The following MCF2L variants were observed in gnomAD, a reference collection of about 807,000 sequenced individuals.
MCF2L encodes the protein guanine nucleotide exchange factor DBS.
A neutral mutation model predicts 153.4 loss-of-function variants in MCF2L; 97 were observed. The observed-to-expected ratio is 0.63, with a 90% CI of 0.54 to 0.75. The LOEUF is 0.75. Ranked by LOEUF, MCF2L falls within the 30% of genes least tolerant of loss-of-function variation. The pLI is 0.00. For synonymous variants in MCF2L, 659 were observed against 632.2 expected (o/e 1.04, Z -0.64); for missense variants, 1,347 against 1,495.2 (o/e 0.90, Z 1.64).
rs11841838 is a variant in MCF2L, at chr13:113,094,238, G to T, written c.2954-276G>T. On this transcript the variant is annotated intron_variant, in intron 26 of 29. Coordinates refer to ENST00000535094, the MANE Select transcript of MCF2L (RefSeq NM_001112732.3). ...GAGGGGCACTGCCCTGCCTGACAAGGGCGTGGCTTCCCAGGGCCTGGGGAT... is the reference window on the plus strand; with the variant it reads ...GAGGGGCACTGCCCTGCCTGACAAGTGCGTGGCTTCCCAGGGCCTGGGGAT... 6 of 241,522 alleles carry T rather than the reference G, an allele frequency of 2.5e-5. No homozygotes were observed. In the East Asian group the frequency reaches 5.4e-4, roughly 22 times the overall value. 15.0% of individuals were successfully genotyped at this position (241,522 alleles called of 1,614,324 possible). A position where few individuals can be genotyped will look rare whatever the true frequency, so the allele number is the denominator to read the frequency against.
chr13:112,972,762 G>T (rs1374344256), intron 1 of MCF2L, among the ~76,000 whole-genome samples: 4 of 996 alleles, frequency 4.0e-3, no homozygotes, highest in Admixed American at 0.013. Flanking sequence ...GATGGATGGA[G>T]GGAGGGAGGG....
At chr13:113,050,316 G>A (rs915245189) in intron 4 of MCF2L, among the ~76,000 whole-genome samples, 14 of 151,892 alleles carry the variant, frequency 9.2e-5, no homozygotes, top group African/African-American at 3.4e-4. Flanking sequence ...GTGAGTGTGT[G>A]TGTGCGTGTT....
rs776029015 is a variant in MCF2L, at chr13:113,014,846, G to A, written c.163G>A (p.Gly55Ser). Reference protein sequence around the residue: ...QLKKRFAYLSGGRGQDGSPVI... With the variant: ...QLKKRFAYLSSGRGQDGSPVI... Reference sequence around the variant, plus strand: ...AAAGAAGCGCTTTGCTTACCTGTCCGGTGAGTTCCAGAAGCTGGGATGGGG... The same window carrying A: ...AAAGAAGCGCTTTGCTTACCTGTCCAGTGAGTTCCAGAAGCTGGGATGGGG... The change falls in exon 2 of 30, where the codon GGT (glycine) becomes AGT (serine). Residue 55 changes from glycine (G) to serine (S), a missense_variant and splice_region_variant. Around this residue, in one of 3 missense-constraint regions of MCF2L, gnomAD observed 820 missense variants for 921.2 expected, o/e 0.89. Transcript: ENST00000535094. 13 of 1,613,780 alleles carry A rather than the reference G, an allele frequency of 8.1e-6. No homozygotes were observed. The highest frequency in any genetic ancestry group is 4.0e-5 in the African/African-American group (3 of 74,950).
chr13:113,011,941 T>TGGTGGACACTGTGATGCGGAC (rs2084157340), intron 1 of MCF2L, among the ~76,000 whole-genome samples: 1 of 89,820 alleles, frequency 1.1e-5, no homozygotes, highest in African/African-American at 4.0e-5. Flanking sequence ...GCGGTGTGGA[T>TGGTGGACACTGTGATGCGGAC]GGTGGACAGG....
At chr13:113,051,049 G>C (rs906165985) in intron 4 of MCF2L, among the ~76,000 whole-genome samples, 1 of 152,110 alleles carries the variant, frequency 6.6e-6, no homozygotes, top group African/African-American at 2.4e-5. Context: ...AGCTCTTCCC[G>C]GTGTGGCTGA....
At chr13:112,947,612 C>T (rs1594369171) in intron 2 of MCF2L, among the ~76,000 whole-genome samples, 1 of 152,222 alleles carries the variant, frequency 6.6e-6, no homozygotes, top group Non-Finnish European at 1.5e-5. Context: ...AACATTAAAT[C>T]TTAAGGCTGC....
intron 2 of MCF2L, among the ~76,000 whole-genome samples, chr13:112,926,102 G>A (rs1428166294): frequency 6.6e-6 from 1 of 152,242 alleles, no homozygotes; most frequent in Non-Finnish European, 1.5e-5. Flanking sequence ...ACAGAACATG[G>A]TCCGTATCCA....
intron 4 of MCF2L, among the ~76,000 whole-genome samples, chr13:113,052,994 C>T (rs1372119064): frequency 6.6e-6 from 1 of 152,130 alleles, no homozygotes; most frequent in Non-Finnish European, 1.5e-5. Flanking sequence ...CACACACAAA[C>T]ACACACATAT....
At chr13:112,952,382 T>C (rs2081704076) in intron 2 of MCF2L, among the ~76,000 whole-genome samples, 1 of 152,176 alleles carries the variant, frequency 6.6e-6, no homozygotes, top group Admixed American at 6.5e-5. Flanking sequence ...CAGGTTTGTT[T>C]TCTGGGGATC....
At position 113,078,382 on chromosome 13, in the gene MCF2L, G is replaced by C. The variant is rs1436926149; in HGVS notation, c.1680G>C (p.Glu560Asp). 3.7e-6 allele frequency: 6 copies of C among 1,613,314 alleles called. No homozygotes were observed. The highest frequency in any genetic ancestry group is 1.3e-5 in the African/African-American group (1 of 74,952). Reference protein sequence around the residue: ...CPSPGIRRGSENSSSEGGALR... With the variant: ...CPSPGIRRGSDNSSSEGGALR... ...CAACAGGCATTCGGCGAGGCTCTGA[G>C]AACTCCAGCTCCGAGGGCGGTGCGC... The change falls in exon 14 of 30, where the codon GAG (glutamate) becomes GAC (aspartate). Residue 560 changes from glutamate (E) to aspartate (D), a missense_variant. Physicochemically the swap from Glu to Asp is conservative, Grantham distance 45 (BLOSUM62 2). This residue lies in a region of MCF2L where 820 missense variants were observed against 921.2 expected (regional missense o/e 0.89). Coordinates refer to ENST00000535094, the MANE Select transcript of MCF2L (RefSeq NM_001112732.3).
At chr13:112,961,835 C>T (rs943200234) in intron 2 of MCF2L, among the ~76,000 whole-genome samples, 12 of 152,182 alleles carry the variant, frequency 7.9e-5, no homozygotes, top group Admixed American at 3.9e-4. Flanking sequence ...TGCTGGGGTA[C>T]GGAATCAGAG....
intron 3 of MCF2L, among the ~76,000 whole-genome samples, chr13:113,032,894 G>A (rs2085814570): frequency 6.6e-6 from 1 of 152,228 alleles, no homozygotes; most frequent in African/African-American, 2.4e-5. Context: ...AGGCTTCCTG[G>A]CCCCTGTGAT....
rs116007654 is a variant in MCF2L, at chr13:113,067,067, C to G, written c.881+897C>G. 6.1e-3 allele frequency among the ~76,000 whole-genome samples: 927 copies of G among 152,378 alleles called. 14 individuals carry two copies. The highest frequency in any genetic ancestry group is 0.021 in the African/African-American group (873 of 41,598). On this transcript the variant is annotated intron_variant, in intron 8 of 29. Coordinates refer to ENST00000535094, the MANE Select transcript of MCF2L (RefSeq NM_001112732.3). ...GCAGCACAGCCCATGAGGGTGGGCC[C>G]TGCCCTGGCCTGTGTCAGGCACCTT...
chr13:112,933,572 AT>A (rs2081485170), intron 2 of MCF2L, among the ~76,000 whole-genome samples: 1 of 152,142 alleles, frequency 6.6e-6, no homozygotes, highest in Non-Finnish European at 1.5e-5. Context: ...TGGGTCTGGG[AT>A]TTCGGTATTT....
chr13:112,987,810 T>A (rs2082710441), intron 1 of MCF2L, among the ~76,000 whole-genome samples: 1 of 152,214 alleles, frequency 6.6e-6, no homozygotes, highest in South Asian at 2.1e-4. Flanking sequence ...ATGAGCACCA[T>A]CGCTGTGGGC....
chr13:113,057,494 G>A (rs1434867165), intron 4 of MCF2L, among the ~76,000 whole-genome samples: 1 of 124,800 alleles, frequency 8.0e-6, no homozygotes, highest in Non-Finnish European at 1.8e-5. Context: ...GTGCTGAGTG[G>A]GCGCTGAGTG....
intron 2 of MCF2L, among the ~76,000 whole-genome samples, chr13:112,923,258 T>C (rs1237047934): frequency 4.6e-5 from 1 of 21,780 alleles, no homozygotes; most frequent in East Asian, 9.3e-4. Context: ...TGTTTGCTTC[T>C]TTTTTTTTTT....
chr13:112,902,118 T>C, intron 1 of MCF2L: 1 of 1,108,024 alleles, frequency 9.0e-7, no homozygotes, highest in South Asian at 1.5e-5. Flanking sequence ...TAACTAGTTA[T>C]TTCGGTTTTG....
At position 112,969,403 on chromosome 13, in the gene MCF2L, A is replaced by G. The variant is rs2081966423; in HGVS notation, c.24A>G (p.Glu8=). The G allele has an allele frequency of 6.4e-7, 1 of 1,550,470 alleles. No homozygotes were observed. Among genetic ancestry groups the G allele is most frequent in the Non-Finnish European group, 8.7e-7 (1 of 1,146,902 alleles). ...GGATGAGGTTTTGGCTGAGGACTGAAGAGATGGCCTTGGAAGAAATGGTGC... is the reference window on the plus strand; with the variant it reads ...GGATGAGGTTTTGGCTGAGGACTGAGGAGATGGCCTTGGAAGAAATGGTGC... MRFWLRT[E]EMALEEMVQR... Residue 8 remains glutamate, a synonymous_variant, in exon 1 of 30, where the codon GAA becomes GAG. Coordinates refer to ENST00000535094, the MANE Select transcript of MCF2L (RefSeq NM_001112732.3). This position sits in a 1 kb window ranked among gnomAD's most constrained non-coding sequence, Gnocchi z 4.8.
Sources: gnomAD v4.1 joint callset for allele counts (sites outside exome capture counted in the v4.1 genomes callset) on GRCh38, gnomAD v4.1.1 for gene constraint, gnomAD v4.1.1 regional missense constraint, Gnocchi (gnomAD v3.1) non-coding constraint, MANE v1.5 for transcripts, NCBI Gene and HGNC (gene_info 2026-07-23, HGNC 2026-07-21) for gene names.